Variants in MAMDC2 observed in about 807,000 individuals in gnomAD.
MAMDC2 encodes the protein MAM domain containing 2.
A neutral mutation model predicts 89.8 loss-of-function variants in MAMDC2; 57 were observed. That is an observed-to-expected ratio of 0.63 (90% CI 0.51 to 0.79). MAMDC2 has a LOEUF of 0.79. Among genes scored for constraint, MAMDC2 ranks in the 30% least tolerant of loss-of-function variants. The pLI is 0.00. For missense variants in MAMDC2, 800 were observed against 820.6 expected (o/e 0.97, Z 0.31); for synonymous variants, 313 against 293.4 (o/e 1.07, Z -0.68).
At position 70,204,637 on chromosome 9, in the gene MAMDC2, G is replaced by A. The variant is rs868188640; in HGVS notation, c.1652-13700G>A. On this transcript the variant is annotated intron_variant, in intron 11 of 13. Coordinates refer to ENST00000377182, the MANE Select transcript of MAMDC2 (RefSeq NM_153267.5). ...TACCTAAGCAAGCCTGGGCAATGGC[G>A]GGCGCCCCTCCCCCAGCCTCGCTGG... 4.9e-3 allele frequency among the ~76,000 whole-genome samples: 738 copies of A among 151,694 alleles called. 3 individuals are homozygous for A. Among genetic ancestry groups the A allele is most frequent in the African/African-American group, 0.017 (703 of 41,408 alleles).
intron 2 of MAMDC2, among the ~76,000 whole-genome samples, chr9:70,077,630 C>A (rs770600760): frequency 2.0e-5 from 3 of 152,202 alleles, no homozygotes; most frequent in Admixed American, 6.5e-5. Flanking sequence ...TTTCTGAACT[C>A]TACCTTCATG....
chr9:70,067,860 T>A (rs1304759763), intron 2 of MAMDC2, among the ~76,000 whole-genome samples: 2 of 152,156 alleles, frequency 1.3e-5, no homozygotes, highest in Non-Finnish European at 2.9e-5. Flanking sequence ...CCTCATTGAG[T>A]CACTAGATCA....
intron 9 of MAMDC2, among the ~76,000 whole-genome samples, chr9:70,158,049 G>A (rs927945996): frequency 1.3e-5 from 2 of 152,090 alleles, no homozygotes; most frequent in African/African-American, 4.8e-5. Context: ...CTTGACCTCT[G>A]CAAGGTCAGG....
At chr9:70,085,255 A>G (rs1827742900) in intron 2 of MAMDC2, among the ~76,000 whole-genome samples, 1 of 152,062 alleles carries the variant, frequency 6.6e-6, no homozygotes, top group Admixed American at 6.6e-5. Context: ...CCGTGGGGGC[A>G]TAGACACCGT....
intron 2 of MAMDC2, among the ~76,000 whole-genome samples, chr9:70,070,993 T>C (rs1490932993): frequency 6.6e-6 from 1 of 152,210 alleles, no homozygotes; most frequent in Non-Finnish European, 1.5e-5. Context: ...AATGGTCATT[T>C]ATTTATACTA....
At chr9:70,173,487 G>A (rs573765873) in intron 11 of MAMDC2, among the ~76,000 whole-genome samples, 26 of 152,146 alleles carry the variant, frequency 1.7e-4, no homozygotes, top group Non-Finnish European at 2.9e-4. Context: ...TGGTGGAAAG[G>A]TATCTATTTA....
At chr9:70,197,704 CCAAA>C (rs1310407105) in intron 11 of MAMDC2, among the ~76,000 whole-genome samples, 1 of 152,084 alleles carries the variant, frequency 6.6e-6, no homozygotes, top group East Asian at 1.9e-4. Context: ...CAATGCTCTT[CCAAA>C]AGTTTTTGGC....
intron 9 of MAMDC2, among the ~76,000 whole-genome samples, chr9:70,167,963 T>C (rs1431966070): frequency 4.6e-5 from 7 of 152,186 alleles, no homozygotes; most frequent in Non-Finnish European, 8.8e-5. Context: ...CAGAAAGTCA[T>C]TTCCAAAAAA....
intron 6 of MAMDC2, among the ~76,000 whole-genome samples, chr9:70,129,871 G>A (rs972137820): frequency 2.6e-5 from 4 of 152,214 alleles, no homozygotes; most frequent in South Asian, 2.1e-4. Flanking sequence ...CATGATCAAG[G>A]TGCTGGCAGG....
At chr9:70,084,767 T>C (rs1827730776) in intron 2 of MAMDC2, among the ~76,000 whole-genome samples, 1 of 152,124 alleles carries the variant, frequency 6.6e-6, no homozygotes, top group Admixed American at 6.6e-5. Context: ...ATAAATGATA[T>C]ATCTTTGAAC....
intron 4 of MAMDC2, among the ~76,000 whole-genome samples, chr9:70,110,133 C>T (rs3015216): frequency 0.038 from 5,859 of 152,290 alleles, 364 homozygotes; most frequent in African/African-American, 0.13. Context: ...CTTTTTGTAG[C>T]ATGTGCCAGA....
intron 9 of MAMDC2, chr9:70,153,975 A>T (rs1216519311): frequency 1.3e-5 from 2 of 152,222 alleles, no homozygotes; most frequent in Non-Finnish European, 2.9e-5. Context: ...CACAAAGCAC[A>T]GTGACATATT....
At chr9:70,114,067 A>C (rs1367305542) in intron 5 of MAMDC2, among the ~76,000 whole-genome samples, 1 of 151,248 alleles carries the variant, frequency 6.6e-6, no homozygotes, top group Non-Finnish European at 1.5e-5. Context: ...TCTTCATCTG[A>C]ATATATTTAA....
intron 9 of MAMDC2, among the ~76,000 whole-genome samples, chr9:70,156,791 T>C (rs1053735852): frequency 1.3e-4 from 20 of 152,232 alleles, no homozygotes; most frequent in African/African-American, 4.8e-4. Flanking sequence ...TTGCTTTAAA[T>C]ATGAGTAAGG....
chr9:70,199,849 CT>C (rs1187418915), intron 11 of MAMDC2, among the ~76,000 whole-genome samples: 1 of 150,106 alleles, frequency 6.7e-6, no homozygotes, highest in East Asian at 2.0e-4. Context: ...TAAATGTCTT[CT>C]TTTGAGAAGT....
At chr9:70,175,429 T>C (rs1205531159) in intron 11 of MAMDC2, among the ~76,000 whole-genome samples, 1 of 152,204 alleles carries the variant, frequency 6.6e-6, no homozygotes, top group Non-Finnish European at 1.5e-5. Flanking sequence ...ACCTTGCTTG[T>C]GTTCAAGAAA....
intron 5 of MAMDC2, among the ~76,000 whole-genome samples, chr9:70,116,962 G>A (rs2030030695): frequency 6.6e-6 from 1 of 152,008 alleles, no homozygotes; most frequent in Non-Finnish European, 1.5e-5. Flanking sequence ...CCCAAGGCAG[G>A]CAGCTTTTCC....
chr9:70,205,166 T>C (rs543169587), intron 11 of MAMDC2, among the ~76,000 whole-genome samples: 1 of 152,222 alleles, frequency 6.6e-6, no homozygotes, highest in African/African-American at 2.4e-5. Flanking sequence ...TTTTAAAAAA[T>C]TGGTGGTAAA....
rs139959461 is a variant in MAMDC2 at position 70,215,073 on chromosome 9, C to A, written c.1652-3264C>A. Among the ~76,000 whole-genome samples, 5 of 152,042 alleles carry A rather than the reference C, an allele frequency of 3.3e-5. No homozygotes were observed. The East Asian group carries it at 9.7e-4, about 29-fold the overall frequency. On this transcript the variant is annotated intron_variant, in intron 11 of 13. Coordinates refer to ENST00000377182, the MANE Select transcript of MAMDC2 (RefSeq NM_153267.5). ...GAGATCATCAAGGAAGTAAGAATAGCGAAGTAAAAACTGGACCTTGGGGCA... is the reference window on the plus strand; with the variant it reads ...GAGATCATCAAGGAAGTAAGAATAGAGAAGTAAAAACTGGACCTTGGGGCA...
Sources: gnomAD v4.1 joint callset for allele counts (sites outside exome capture counted in the v4.1 genomes callset) on GRCh38, gnomAD v4.1.1 for gene constraint, MANE v1.5 for transcripts, NCBI Gene and HGNC (gene_info 2026-07-23, HGNC 2026-07-21) for gene names.